Variants in SLC15A3 observed in about 807,000 individuals in gnomAD.
The protein encoded by SLC15A3 is solute carrier family 15 member 3, also known as osteoclast transporter.
SLC15A3 carries 39 observed loss-of-function variants against 49.2 expected under a neutral mutation model. The observed-to-expected ratio is 0.79, with a 90% CI of 0.61 to 1.04. SLC15A3 has a LOEUF of 1.04. SLC15A3 is among the 50% of genes least tolerant of loss of function. SLC15A3 has a pLI of 0.00. For missense variants in SLC15A3, 758 were observed against 794.8 expected, an observed-to-expected ratio of 0.95 and a Z score of 0.56; for synonymous variants, 339 against 367.0, an observed-to-expected ratio of 0.92 and a Z score of 0.87.
At chr11:60,950,774 G>C (rs1856901801) in intron 1 of SLC15A3, among the ~76,000 whole-genome samples, 1 of 152,240 alleles carries the variant, frequency 6.6e-6, no homozygotes, top group Admixed American at 6.5e-5. Flanking sequence ...CTGGGCGACA[G>C]AGTGAAACTC....
Position 60,943,493 on chromosome 11 carries a change from C to T in SLC15A3, c.996+196G>A, listed in dbSNP as rs181630845. On this transcript the variant is annotated intron_variant, in intron 3 of 7. Coordinates refer to ENST00000227880, the MANE Select transcript of SLC15A3 (RefSeq NM_016582.3). ...GAAGCTGTCTCCAGAGTTCCTCTTG[C>T]CGTACCACCGAGGGAGTTGGATTGC... 7.7e-5 allele frequency: 35 copies of T among 453,648 alleles called. No homozygotes were observed. The East Asian group carries it at 9.1e-4, about 12-fold the overall frequency. The allele number at this position is 453,648 out of a possible 1,614,324, so 28.1% of individuals were successfully genotyped here.
chr11:60,942,928 C>A (rs1250366473), intron 3 of SLC15A3: 1 of 149,850 alleles, frequency 6.7e-6, no homozygotes, highest in Non-Finnish European at 1.5e-5. Flanking sequence ...AGCTGCTGCC[C>A]ACCCTCCTAT....
chr11:60,946,595 G>A lies in SLC15A3; in HGVS notation c.785C>T (p.Ser262Phe). The change falls in exon 2 of 8, where the codon TCC becomes TTC. Residue 262 changes from serine to phenylalanine, a missense_variant. Around this residue, in one of 3 missense-constraint regions of SLC15A3, gnomAD observed 699 missense variants for 706.7 expected, o/e 0.99. Coordinates refer to ENST00000227880, the MANE Select transcript of SLC15A3 (RefSeq NM_016582.3). ...TTGGAGAGCGAGCTTAAGCATAGAG[G>A]ACACTTGGCTGCCCATCGGGGGCTT... Reference protein sequence around the residue: ...ITKPPMGSQVSSMLKLALQNC... With the variant: ...ITKPPMGSQVFSMLKLALQNC... The A allele has an allele frequency of 2.5e-6, 4 of 1,612,362 alleles. No individual in the cohort carries two copies. The South Asian group carries it at 3.3e-5, about 13-fold the overall frequency.
Position 60,942,051 on chromosome 11 carries a change from T to G in SLC15A3, c.1091A>C (p.Gln364Pro), listed in dbSNP as rs780382286. ...PANISVALRA[Q>P]GSSYTIPEAW... ...ATCTCTCACCGTGTAGCTGCTGCCC[T>G]GGGCTCTCAGGGCCACAGAGATGTT... Residue 364 changes from glutamine to proline, a missense_variant, in exon 4 of 8, where the codon CAG becomes CCG. Physicochemically the swap from Gln to Pro is moderately conservative, Grantham distance 76. Coordinates refer to ENST00000227880, the MANE Select transcript of SLC15A3 (RefSeq NM_016582.3). The G allele has an allele frequency of 6.2e-7, 1 of 1,613,958 alleles. No homozygotes were observed. Among genetic ancestry groups the G allele is most frequent in the Non-Finnish European group, 8.5e-7 (1 of 1,179,946 alleles).
At position 60,951,106 on chromosome 11, in the gene SLC15A3, G is replaced by T; in HGVS notation, c.446C>A (p.Pro149Gln). ...GCAGTAGGGGCTGGGCGAGGAGCGC[G>T]GGCAGCCGGCCGAGGGGCAGGCAGG... ...LGPACPSAGCPRSSPSPYCAP... is the reference protein window; with the variant it reads ...LGPACPSAGCQRSSPSPYCAP... Residue 149 changes from proline to glutamine, a missense_variant, in exon 1 of 8, where the codon CCG (proline) becomes CAG (glutamine). Transcript: ENST00000227880. 1 of 1,476,146 alleles carries T rather than the reference G, an allele frequency of 6.8e-7. No homozygotes were observed. Among genetic ancestry groups the T allele is most frequent in the Non-Finnish European group, 8.9e-7 (1 of 1,123,364 alleles). 91.4% of individuals were successfully genotyped at this position (1,476,146 alleles called of 1,614,324 possible). A position where few individuals can be genotyped will look rare whatever the true frequency, so the allele number is the denominator to read the frequency against.
At chr11:60,940,714 C>T (rs1856695992) in intron 5 of SLC15A3, 1 of 153,200 alleles carries the variant, frequency 6.5e-6, no homozygotes. Context: ...CACTTTGTAA[C>T]AAATGGCTTC....
chr11:60,942,390 A>G, intron 3 of SLC15A3: 1 of 437,250 alleles, frequency 2.3e-6, no homozygotes, highest in Non-Finnish European at 4.2e-6. Context: ...GCCCAGGCAC[A>G]GCTGGTCTGA....
intron 1 of SLC15A3, among the ~76,000 whole-genome samples, chr11:60,949,932 T>C (rs1856884499): frequency 1.3e-5 from 2 of 152,264 alleles, no homozygotes; most frequent in Non-Finnish European, 2.9e-5. Context: ...ATGTGGTTAT[T>C]TTAATAATAT....
chr11:60,951,615 G>A lies in SLC15A3; in HGVS notation c.-64C>T, dbSNP rs1856925510. Reference sequence around the variant, plus strand: ...TCTCCTCTCCCCGCCTCAGAGCCCTGCACTCCTGCCCCCGGGCCTCGGCCC... The same window carrying A: ...TCTCCTCTCCCCGCCTCAGAGCCCTACACTCCTGCCCCCGGGCCTCGGCCC... On this transcript the variant is annotated 5_prime_UTR_variant, in exon 1 of 8. Transcript: ENST00000227880. 3.7e-6 allele frequency: 4 copies of A among 1,079,818 alleles called. No individual in the cohort carries two copies. Among genetic ancestry groups the A allele is most frequent in the Non-Finnish European group, 3.4e-6 (3 of 892,744 alleles). The allele number at this position is 1,079,818 out of a possible 1,614,324, so 66.9% of individuals were successfully genotyped here. A position where few individuals can be genotyped will look rare whatever the true frequency, so the allele number is the denominator to read the frequency against.
chr11:60,940,084 G>GA (rs1253913352), intron 5 of SLC15A3: 2 of 176,108 alleles, frequency 1.1e-5, no homozygotes, highest in Admixed American at 1.1e-4. Flanking sequence ...GATATCACAT[G>GA]ACTTCTCTAC....
intron 2 of SLC15A3, among the ~76,000 whole-genome samples, chr11:60,946,005 CTTT>C (rs1156247208): frequency 6.6e-6 from 1 of 151,752 alleles, no homozygotes; most frequent in African/African-American, 2.4e-5. Flanking sequence ...TTTCATTTTT[CTTT>C]TTTTATTTTT....
Position 60,937,253 on chromosome 11 carries a change from G to A in SLC15A3, c.1712C>T (p.Ala571Val). 6.2e-7 allele frequency: 1 copy of A among 1,614,134 alleles called. No individual in the cohort carries two copies. The highest frequency in any genetic ancestry group is 8.5e-7 in the Non-Finnish European group (1 of 1,180,010). The change falls in exon 8 of 8, where the codon GCC becomes GTC. Residue 571 changes from alanine to valine, a missense_variant. Ala to Val is a moderately conservative substitution (Grantham distance 64, BLOSUM62 0). Around this residue, in one of 3 missense-constraint regions of SLC15A3, gnomAD observed 699 missense variants for 706.7 expected, o/e 0.99. Coordinates refer to ENST00000227880, the MANE Select transcript of SLC15A3 (RefSeq NM_016582.3). ...GTCCCTGCTGAAACGGCTGTGGGAGGCTGGGCCCTGGGACGCCCTCTCATA... is the reference window on the plus strand; with the variant it reads ...GTCCCTGCTGAAACGGCTGTGGGAGACTGGGCCCTGGGACGCCCTCTCATA... ...GRYERASQGPASHSRFSRDRG is the reference protein window; with the variant it reads ...GRYERASQGPVSHSRFSRDRG
intron 5 of SLC15A3, 37 bp from the exon 6 acceptor site, chr11:60,939,675 AC>A (rs1273457284): frequency 1.9e-6 from 3 of 1,607,368 alleles, no homozygotes; most frequent in Non-Finnish European, 2.6e-6. Context: ...AGTCAGGCCC[AC>A]CCCAGGCAGC....
intron 2 of SLC15A3, among the ~76,000 whole-genome samples, chr11:60,944,064 C>G (rs959864024): frequency 1.7e-4 from 26 of 152,206 alleles, no homozygotes; most frequent in Non-Finnish European, 2.9e-4. Flanking sequence ...GAGGCTGAGA[C>G]AGGAGAATTG....
rs780323606 is a variant in SLC15A3, at chr11:60,946,839, G to A, written c.559-18C>T. The A allele has an allele frequency of 1.9e-6, 3 of 1,599,200 alleles. No homozygotes were observed. The highest frequency in any genetic ancestry group is 2.6e-6 in the Non-Finnish European group (3 of 1,174,992). ...TCCATCACCTGCCATTCAGGAAGGG[G>A]TGACAGTGAGGGCCAAAGGGGTCCG... is the stretch of plus-strand genomic sequence containing the variant. On this transcript the variant is annotated intron_variant, in intron 1 of 7. Coordinates refer to ENST00000227880, the MANE Select transcript of SLC15A3 (RefSeq NM_016582.3).
chr11:60,946,091 C>T (rs1162554344), intron 2 of SLC15A3, among the ~76,000 whole-genome samples: 3 of 152,124 alleles, frequency 2.0e-5, no homozygotes, highest in Admixed American at 1.3e-4. Flanking sequence ...CTCCTGGACT[C>T]GATTGATCCT....
chr11:60,946,666 G>A lies in SLC15A3; in HGVS notation c.714C>T (p.Gly238=), dbSNP rs372297850. Residue 238 remains glycine, a synonymous_variant, in exon 2 of 8, where the codon GGC becomes GGT. Coordinates refer to ENST00000227880, the MANE Select transcript of SLC15A3 (RefSeq NM_016582.3). ...CAAAGAGGAAGATGAAAAATGCCAG[G>A]CCCACACAGCCCACAGGGATGCTGT... ...LGYSIPVGCV[G]LAFFIFLFAT... is the part of the protein sequence containing the mutation. 4 of 1,614,016 alleles carry A rather than the reference G, an allele frequency of 2.5e-6. No homozygotes were observed. The highest frequency in any genetic ancestry group is 3.4e-6 in the Non-Finnish European group (4 of 1,179,996).
In SLC15A3 at chr11:60,951,267, G is replaced by A. The variant is rs1856915588; in HGVS notation, c.285C>T (p.Asp95=). ...LLAPVGGWLA[D]VYLGRYRAVA... ...CCGCGCGGTAGCGGCCCAGGTACAC[G>A]TCGGCCAGCCAGCCGCCCACGGGCG... The change falls in exon 1 of 8, where the codon GAC becomes GAT. Residue 95 remains aspartate (D), a synonymous_variant. Transcript: ENST00000227880. The A allele has an allele frequency of 1.3e-6, 2 of 1,515,006 alleles. No individual in the cohort carries two copies. Among genetic ancestry groups the A allele is most frequent in the Non-Finnish European group, 1.8e-6 (2 of 1,134,190 alleles). 93.8% of individuals were successfully genotyped at this position (1,515,006 alleles called of 1,614,324 possible). A position where few individuals can be genotyped will look rare whatever the true frequency, so the allele number is the denominator to read the frequency against.
chr11:60,941,314 G>A, intron 4 of SLC15A3, 24 bp from the exon 5 acceptor site: 1 of 1,605,612 alleles, frequency 6.2e-7, no homozygotes, highest in Non-Finnish European at 8.5e-7. Flanking sequence ...AGTCAGGAGA[G>A]GCAGGCTAGC....
Sources: gnomAD v4.1 joint callset for allele counts (sites outside exome capture counted in the v4.1 genomes callset) on GRCh38, gnomAD v4.1.1 for gene constraint, gnomAD v4.1.1 regional missense constraint, MANE v1.5 for transcripts, NCBI Gene and HGNC (gene_info 2026-07-23, HGNC 2026-07-21) for gene names.